SENP7: variants seen among roughly 807,000 people sequenced by gnomAD.
The protein encoded by SENP7 is sentrin-specific protease 7.
Under a neutral mutation model 141.2 loss-of-function variants are expected in SENP7, and 64 were observed. The ratio of observed to expected loss-of-function variants is 0.45; its 90% CI spans 0.37 to 0.56. The LOEUF (loss-of-function observed/expected upper bound fraction) is 0.56, where lower values mean the gene tolerates loss of function less well. Among genes scored for constraint, SENP7 ranks in the 20% least tolerant of loss-of-function variants. SENP7 has a pLI of 0.00. For missense variants in SENP7, 1,025 were observed against 1,212.2 expected, an observed-to-expected ratio of 0.85 and a Z score of 2.29; for synonymous variants, 382 against 426.4, an observed-to-expected ratio of 0.90 and a Z score of 1.28.
chr3:101,448,810 T>C (rs560026696), intron 4 of SENP7, among the ~76,000 whole-genome samples: 2 of 152,140 alleles, frequency 1.3e-5, no homozygotes, highest in East Asian at 1.9e-4. Flanking sequence ...ACTCTAAAAA[T>C]CAGAGCACCT....
In SENP7 at chr3:101,493,017, T is replaced by C. The variant is rs61712467; in HGVS notation, c.186+856A>G. ...AACCTAAATGCCCTTCCATGGTAGT[T>C]TAGATAAAGAAAATGTGGTACATAT... is the stretch of plus-strand genomic sequence containing the variant. On this transcript the variant is annotated intron_variant, in intron 3 of 23. Coordinates refer to ENST00000394095, the MANE Select transcript of SENP7 (RefSeq NM_020654.5). Among the ~76,000 whole-genome samples the C allele has an allele frequency of 6.1e-3, 930 of 152,126 alleles. 6 individuals carry two copies. The highest frequency in any genetic ancestry group is 0.022 in the African/African-American group (896 of 41,496).
chr3:101,500,979 C>A, intron 2 of SENP7, 91 bp downstream of exon 2: 1 of 898,916 alleles, frequency 1.1e-6, no homozygotes, highest in South Asian at 1.5e-5. Flanking sequence ...ATACTGTTTT[C>A]TTTAAAATGT....
At chr3:101,490,865 G>A (rs577604720) in intron 3 of SENP7, among the ~76,000 whole-genome samples, 104 of 152,276 alleles carry the variant, frequency 6.8e-4, no homozygotes, top group Middle Eastern at 3.4e-3. Flanking sequence ...CACAAAGTAT[G>A]AGCAAATATT....
rs2092688456 is a variant in SENP7 at position 101,324,551 on chromosome 3, G to A, written c.*1392C>T. On this transcript the variant is annotated 3_prime_UTR_variant, in exon 24 of 24. Coordinates refer to ENST00000394095, the MANE Select transcript of SENP7 (RefSeq NM_020654.5). ...TATGTAATTATAGCCATCTTTATAT[G>A]AAATATCCAAACAACAAATATATTT... 1 of 151,918 alleles carries A rather than the reference G, an allele frequency of 6.6e-6. No homozygotes were observed. Among genetic ancestry groups the A allele is most frequent in the Non-Finnish European group, 1.5e-5 (1 of 67,938 alleles). The allele number at this position is 151,918 out of a possible 1,614,324, so 9.4% of individuals were successfully genotyped here.
intron 3 of SENP7, among the ~76,000 whole-genome samples, chr3:101,478,621 A>T (rs1559887031): frequency 6.6e-6 from 1 of 152,216 alleles, no homozygotes; most frequent in African/African-American, 2.4e-5. Flanking sequence ...CAAACTTACA[A>T]AGAAGAATAC....
At chr3:101,458,861 TG>T in intron 4 of SENP7, 93 bp downstream of exon 4, 1 of 656,046 alleles carries the variant, frequency 1.5e-6, no homozygotes, top group Non-Finnish European at 2.6e-6. Context: ...TTTAAACATG[TG>T]GTCATAATTG....
chr3:101,430,812 A>AG (rs2062137795), intron 4 of SENP7, among the ~76,000 whole-genome samples: 1 of 151,828 alleles, frequency 6.6e-6, no homozygotes, highest in Non-Finnish European at 1.5e-5. Flanking sequence ...CTTTCTCTTG[A>AG]CATTTAGTGC....
At chr3:101,329,210 C>G (rs2058981636) in intron 20 of SENP7, among the ~76,000 whole-genome samples, 1 of 152,138 alleles carries the variant, frequency 6.6e-6, no homozygotes, top group Non-Finnish European at 1.5e-5. Context: ...CTTTATTATT[C>G]TAACATAAAC....
intron 5 of SENP7, chr3:101,414,532 C>G: frequency 6.3e-7 from 1 of 1,590,792 alleles, no homozygotes; most frequent in Middle Eastern, 1.7e-4. Context: ...GGTGAAGCAG[C>G]AGCTGGACGG....
intron 5 of SENP7, among the ~76,000 whole-genome samples, chr3:101,409,834 TAGA>T: frequency 6.6e-6 from 1 of 152,340 alleles, no homozygotes; most frequent in Non-Finnish European, 1.5e-5. Context: ...ATAAAAATTT[TAGA>T]AGATGACATT....
chr3:101,417,564 T>C (rs1305695286), intron 5 of SENP7, 29 bp downstream of exon 5: 2 of 1,559,150 alleles, frequency 1.3e-6, no homozygotes, highest in South Asian at 2.2e-5. Flanking sequence ...ATGTGGTAAG[T>C]TGAACAAAAT....
intron 6 of SENP7, 91 bp downstream of exon 6, chr3:101,398,770 C>A: frequency 1.0e-6 from 1 of 987,430 alleles, no homozygotes; most frequent in Admixed American, 2.6e-5. Flanking sequence ...ATTTACCTCA[C>A]ATTTAGCAAT....
Position 101,501,162 on chromosome 3 carries a change from T to C in SENP7, c.41-43A>G, listed in dbSNP as rs755811699. 3.9e-6 allele frequency: 5 copies of C among 1,279,140 alleles called. No homozygotes were observed. The Admixed American group carries it at 5.5e-5, about 14-fold the overall frequency. 79.2% of individuals were successfully genotyped at this position (1,279,140 alleles called of 1,614,324 possible). A position where few individuals can be genotyped will look rare whatever the true frequency, so the allele number is the denominator to read the frequency against. On this transcript the variant is annotated intron_variant, in intron 1 of 23. Transcript: ENST00000394095. ...GTGGTAAAAATTATCGTTTAACATC[T>C]AAATGAGATAAACAGTTTGACAAAG...
chr3:101,356,986 C>G (rs1030360997), intron 11 of SENP7, among the ~76,000 whole-genome samples: 1 of 151,942 alleles, frequency 6.6e-6, no homozygotes, highest in Non-Finnish European at 1.5e-5. Context: ...ACTTTTAATG[C>G]TTTTATTAAC....
intron 3 of SENP7, among the ~76,000 whole-genome samples, chr3:101,461,163 T>C (rs2063531764): frequency 6.6e-6 from 1 of 151,894 alleles, no homozygotes; most frequent in Non-Finnish European, 1.5e-5. Context: ...CCATAAAACA[T>C]TGATGAAAGA....
At chr3:101,489,031 A>G (rs2064850576) in intron 3 of SENP7, among the ~76,000 whole-genome samples, 1 of 152,186 alleles carries the variant, frequency 6.6e-6, no homozygotes, top group African/African-American at 2.4e-5. Flanking sequence ...AAAAGATATT[A>G]CAACTAAGAA....
intron 16 of SENP7, 59 bp downstream of exon 16, chr3:101,340,036 A>G: frequency 6.8e-7 from 1 of 1,474,882 alleles, no homozygotes; most frequent in South Asian, 1.4e-5. Context: ...AAAGACATTT[A>G]TTTTAAGTTT....
intron 6 of SENP7, among the ~76,000 whole-genome samples, chr3:101,377,263 C>T (rs1050447739): frequency 6.6e-6 from 1 of 152,154 alleles, no homozygotes; most frequent in South Asian, 2.1e-4. Flanking sequence ...TCTTCCTGGA[C>T]GTGACAGAAA....
At chr3:101,425,439 G>A (rs970681973) in intron 4 of SENP7, among the ~76,000 whole-genome samples, 1 of 152,178 alleles carries the variant, frequency 6.6e-6, no homozygotes, top group Admixed American at 6.5e-5. Flanking sequence ...AACAAAGCCA[G>A]TTGGCTGACT....
Sources: gnomAD v4.1 joint callset for allele counts (sites outside exome capture counted in the v4.1 genomes callset) on GRCh38, gnomAD v4.1.1 for gene constraint, MANE v1.5 for transcripts, NCBI Gene and HGNC (gene_info 2026-07-23, HGNC 2026-07-21) for gene names.